Variants in FAT3 observed in about 807,000 individuals in gnomAD.
FAT3 encodes the protein FAT atypical cadherin 3.
Under a neutral mutation model 310.2 loss-of-function variants are expected in FAT3, and 95 were observed. The ratio of observed to expected loss-of-function variants is 0.31; its 90% CI spans 0.26 to 0.36. FAT3 has a LOEUF of 0.36. FAT3 is among the 10% of genes least tolerant of loss of function. The pLI is 1.00. For missense variants in FAT3, 5,408 were observed against 5,715.6 expected, an observed-to-expected ratio of 0.95 and a Z score of 1.74; for synonymous variants, 2,314 against 2,192.9, an observed-to-expected ratio of 1.06 and a Z score of -1.54.
At chr11:92,397,617 C>T (rs181025856) in intron 2 of FAT3, among the ~76,000 whole-genome samples, 139 of 152,272 alleles carry the variant, frequency 9.1e-4, no homozygotes, top group African/African-American at 3.1e-3. Context: ...GCAAGTCTCA[C>T]GCATGCATCA....
intron 3 of FAT3, among the ~76,000 whole-genome samples, chr11:92,565,930 G>C (rs376265762): frequency 6.6e-6 from 1 of 151,996 alleles, no homozygotes; most frequent in East Asian, 1.9e-4. Context: ...AGCCAATATC[G>C]TACTGAATGG....
intron 3 of FAT3, among the ~76,000 whole-genome samples, chr11:92,526,080 T>C (rs752599011): frequency 1.3e-5 from 2 of 152,006 alleles, no homozygotes; most frequent in African/African-American, 2.4e-5. Context: ...ACAAAGAGAG[T>C]AGTAATTATC....
chr11:92,349,712 C>T (rs1312850006), intron 1 of FAT3, among the ~76,000 whole-genome samples: 2 of 152,214 alleles, frequency 1.3e-5, no homozygotes, highest in Non-Finnish European at 1.5e-5. Flanking sequence ...GTTCCACTTA[C>T]TTAGCATATG....
At chr11:92,482,871 C>T (rs1952271548) in intron 2 of FAT3, among the ~76,000 whole-genome samples, 1 of 152,188 alleles carries the variant, frequency 6.6e-6, no homozygotes, top group Admixed American at 6.5e-5. Flanking sequence ...TTCTAGGTTT[C>T]TGGGATTTAT....
chr11:92,311,738 G>A (rs1947310910), intron 1 of FAT3, among the ~76,000 whole-genome samples: 2 of 152,156 alleles, frequency 1.3e-5, no homozygotes, highest in Admixed American at 6.5e-5. Context: ...ACTGCTGGAG[G>A]TTGAATAGGT....
intron 4 of FAT3, among the ~76,000 whole-genome samples, chr11:92,761,043 C>T (rs1026262570): frequency 6.6e-6 from 1 of 152,112 alleles, no homozygotes; most frequent in Non-Finnish European, 1.5e-5. Flanking sequence ...CATAGTTTTC[C>T]TTTTGTTCAA....
At chr11:92,663,049 C>A (rs1942840099) in intron 3 of FAT3, among the ~76,000 whole-genome samples, 1 of 152,160 alleles carries the variant, frequency 6.6e-6, no homozygotes, top group African/African-American at 2.4e-5. Flanking sequence ...TAAGACCATG[C>A]ACCAGGGGTG....
At chr11:92,425,928 T>C (rs1423878807) in intron 2 of FAT3, among the ~76,000 whole-genome samples, 1 of 152,202 alleles carries the variant, frequency 6.6e-6, no homozygotes, top group African/African-American at 2.4e-5. Flanking sequence ...CAAATGGTAT[T>C]TCTAGTTCTA....
intron 1 of FAT3, among the ~76,000 whole-genome samples, chr11:92,326,505 A>G (rs1947769615): frequency 6.6e-6 from 1 of 152,232 alleles, no homozygotes; most frequent in Non-Finnish European, 1.5e-5. Flanking sequence ...AAACATTTCA[A>G]CCAGCCATCT....
intron 2 of FAT3, among the ~76,000 whole-genome samples, chr11:92,383,817 AT>A (rs570140490): frequency 3.4e-4 from 51 of 152,190 alleles, no homozygotes; most frequent in African/African-American, 1.1e-3. Flanking sequence ...AACACATTTC[AT>A]TTTTTTTAAA....
intron 3 of FAT3, among the ~76,000 whole-genome samples, chr11:92,572,870 TA>T (rs1432908129): frequency 6.6e-6 from 1 of 152,164 alleles, no homozygotes; most frequent in Non-Finnish European, 1.5e-5. Flanking sequence ...AACCAAATTT[TA>T]AAAACTGAGT....
chr11:92,294,722 G>A (rs1466027315), intron 1 of FAT3, among the ~76,000 whole-genome samples: 3 of 150,080 alleles, frequency 2.0e-5, no homozygotes, highest in South Asian at 4.2e-4. Context: ...GATTATATGA[G>A]CCTTTTGTAA....
chr11:92,370,686 A>G (rs918718375), intron 2 of FAT3, among the ~76,000 whole-genome samples: 2 of 152,166 alleles, frequency 1.3e-5, no homozygotes, highest in African/African-American at 4.8e-5. Flanking sequence ...TTTATCCTAC[A>G]CTGATATTTA....
intron 21 of FAT3, among the ~76,000 whole-genome samples, chr11:92,866,391 C>CT (rs1218049437): frequency 9.9e-5 from 15 of 152,212 alleles, no homozygotes; most frequent in Non-Finnish European, 1.8e-4. Flanking sequence ...GTGGTAATGA[C>CT]TAAGAAGGGT....
chr11:92,801,968 T>G, intron 10 of FAT3, 59 bp downstream of exon 10: 1 of 1,490,998 alleles, frequency 6.7e-7, no homozygotes, highest in Non-Finnish European at 9.2e-7. Context: ...AGATGGAAGA[T>G]GGCGGGGAGA....
At chr11:92,770,617 T>C (rs369941187) in intron 6 of FAT3, among the ~76,000 whole-genome samples, 65 of 152,230 alleles carry the variant, frequency 4.3e-4, no homozygotes, top group African/African-American at 1.6e-3. Context: ...CACCTTCCCC[T>C]TGGTGACAAC....
intron 7 of FAT3, among the ~76,000 whole-genome samples, chr11:92,789,414 T>C (rs1214657831): frequency 6.6e-6 from 1 of 152,196 alleles, no homozygotes; most frequent in Admixed American, 6.5e-5. Context: ...TTAGCTATCA[T>C]TAGCGCCACG....
intron 2 of FAT3, among the ~76,000 whole-genome samples, chr11:92,359,191 C>A (rs1347525385): frequency 1.3e-5 from 2 of 152,072 alleles, no homozygotes; most frequent in African/African-American, 4.8e-5. Context: ...TACTTGAGCT[C>A]CTCAGACAGT....
intron 3 of FAT3, among the ~76,000 whole-genome samples, chr11:92,584,023 G>C (rs1591484877): frequency 6.6e-6 from 1 of 151,908 alleles, no homozygotes; most frequent in African/African-American, 2.4e-5. Flanking sequence ...ATTCTTTCCG[G>C]GTGACCTCAG....
Sources: gnomAD v4.1 joint callset for allele counts (sites outside exome capture counted in the v4.1 genomes callset) on GRCh38, gnomAD v4.1.1 for gene constraint, MANE v1.5 for transcripts, NCBI Gene and HGNC (gene_info 2026-07-23, HGNC 2026-07-21) for gene names.